The following ENPEP variants were observed in gnomAD, a reference collection of about 807,000 sequenced individuals.
The protein encoded by ENPEP is glutamyl aminopeptidase, also known as AP-A.
A neutral mutation model predicts 114.5 loss-of-function variants in ENPEP; 103 were observed. The observed-to-expected ratio is 0.90, with a 90% CI of 0.77 to 1.06. The LOEUF is 1.06. Ranked by LOEUF, ENPEP falls within the 50% of genes least tolerant of loss-of-function variation. The probability of loss-of-function intolerance (pLI) is 0.00; values close to 1 mark genes in which losing one functional copy is unlikely to be tolerated. For missense variants in ENPEP, 1,196 were observed against 1,161.3 expected, an observed-to-expected ratio of 1.03 and a Z score of -0.43; for synonymous variants, 420 against 422.0, an observed-to-expected ratio of 1.00 and a Z score of 0.06.
At chr4:110,487,532 G>A (rs1389129331) in intron 1 of ENPEP, among the ~76,000 whole-genome samples, 6 of 151,870 alleles carry the variant, frequency 4.0e-5, no homozygotes, top group African/African-American at 9.7e-5. Flanking sequence ...GTGTGCGCAC[G>A]TGTGTGTGTG....
intron 7 of ENPEP, among the ~76,000 whole-genome samples, chr4:110,514,426 C>G (rs998327832): frequency 1.6e-4 from 24 of 152,062 alleles, no homozygotes; most frequent in African/African-American, 5.8e-4. Context: ...GTATGTTCAG[C>G]CTTCTTGTAT....
Position 110,486,923 on chromosome 4 carries a change from C to T in ENPEP, c.645-1618C>T, listed in dbSNP as rs573689441. On this transcript the variant is annotated intron_variant, in intron 1 of 19. Coordinates refer to ENST00000265162, the MANE Select transcript of ENPEP (RefSeq NM_001977.4). ...GATCAGAGTTTTTAAGATAATTTGG[C>T]GGGTAGGGGCTTGGGAAGTGGGGAG... 3.3e-5 allele frequency among the ~76,000 whole-genome samples: 5 copies of T among 152,040 alleles called. No homozygotes were observed. The East Asian group carries it at 7.7e-4, about 24-fold the overall frequency.
intron 10 of ENPEP, among the ~76,000 whole-genome samples, chr4:110,528,160 A>AT (rs1225026726): frequency 2.6e-5 from 4 of 152,112 alleles, no homozygotes; most frequent in South Asian, 2.1e-4. Context: ...AGTTGCATGA[A>AT]TTTTTTTGTG....
At chr4:110,485,861 T>C (rs777347523) in intron 1 of ENPEP, among the ~76,000 whole-genome samples, 2 of 152,154 alleles carry the variant, frequency 1.3e-5, no homozygotes, top group Non-Finnish European at 2.9e-5. Flanking sequence ...ACAGAAGTGA[T>C]GTGTCTCTCT....
chr4:110,529,131 A>G (rs1726308432), intron 10 of ENPEP, among the ~76,000 whole-genome samples: 1 of 152,174 alleles, frequency 6.6e-6, no homozygotes, highest in Non-Finnish European at 1.5e-5. Context: ...GTAGTCCCAG[A>G]GGCCATGTTT....
chr4:110,537,884 C>T (rs567750903), intron 11 of ENPEP, among the ~76,000 whole-genome samples: 20 of 152,288 alleles, frequency 1.3e-4, no homozygotes, highest in African/African-American at 3.6e-4. Context: ...CATGGATGAC[C>T]AGGCACACTG....
At position 110,562,817 on chromosome 4, in the gene ENPEP, A is replaced by T. The variant is rs571509615; in HGVS notation, c.*1259A>T. The stretch of plus-strand genomic sequence containing the variant: ...CAATCTGCTATATCTAGAAAATCTA[A>T]ATTTATTTGGAACTTTCAAAAATGT... On this transcript the variant is annotated 3_prime_UTR_variant, in exon 20 of 20. Transcript: ENST00000265162. 1 of 152,254 alleles carries T rather than the reference A, an allele frequency of 6.6e-6. No individual in the cohort carries two copies. The highest frequency in any genetic ancestry group is 2.1e-4 in the South Asian group (1 of 4,816). The allele number at this position is 152,254 out of a possible 1,614,324, so 9.4% of individuals were successfully genotyped here. A position where few individuals can be genotyped will look rare whatever the true frequency, so the allele number is the denominator to read the frequency against.
chr4:110,538,973 C>G (rs1291664831), intron 11 of ENPEP, among the ~76,000 whole-genome samples: 1 of 152,146 alleles, frequency 6.6e-6, no homozygotes, highest in Non-Finnish European at 1.5e-5. Context: ...ATTAAGTTCT[C>G]ACCTATATGG....
intron 6 of ENPEP, chr4:110,512,477 C>T (rs1328457193): frequency 6.6e-6 from 1 of 152,206 alleles, no homozygotes; most frequent in Non-Finnish European, 1.5e-5. Context: ...TGGCAGTCAT[C>T]ACTTGACAGC....
chr4:110,552,164 C>T (rs1253344087), intron 17 of ENPEP, among the ~76,000 whole-genome samples: 1 of 152,172 alleles, frequency 6.6e-6, no homozygotes, highest in Non-Finnish European at 1.5e-5. Flanking sequence ...AGGATCATTA[C>T]CTTAAACTCA....
At chr4:110,479,384 C>G (rs942207053) in intron 1 of ENPEP, among the ~76,000 whole-genome samples, 4 of 152,080 alleles carry the variant, frequency 2.6e-5, no homozygotes, top group Admixed American at 2.6e-4. Flanking sequence ...TATTGACTAT[C>G]CTTGTAAATA....
chr4:110,482,373 G>A (rs1282557492), intron 1 of ENPEP, among the ~76,000 whole-genome samples: 2 of 152,164 alleles, frequency 1.3e-5, no homozygotes, highest in Non-Finnish European at 2.9e-5. Flanking sequence ...GAAATAGGTG[G>A]GAAGTAGCCA....
chr4:110,558,640 A>G (rs1196992376), intron 18 of ENPEP, among the ~76,000 whole-genome samples: 3 of 151,912 alleles, frequency 2.0e-5, no homozygotes, highest in Admixed American at 2.0e-4. Flanking sequence ...CTGTGTACAT[A>G]TTTTCTTGTA....
intron 6 of ENPEP, chr4:110,512,710 G>A (rs1208451923): frequency 6.6e-6 from 1 of 152,162 alleles, no homozygotes; most frequent in Non-Finnish European, 1.5e-5. Context: ...ACTATGCCAA[G>A]TACTAACCAT....
intron 13 of ENPEP, among the ~76,000 whole-genome samples, chr4:110,544,237 A>G (rs1421850887): frequency 2.0e-5 from 3 of 152,064 alleles, no homozygotes; most frequent in Non-Finnish European, 4.4e-5. Flanking sequence ...CAAGGTAGAG[A>G]TGACCTTATA....
intron 11 of ENPEP, among the ~76,000 whole-genome samples, chr4:110,534,269 G>T (rs145342481): frequency 6.6e-6 from 1 of 152,020 alleles, no homozygotes; most frequent in African/African-American, 2.4e-5. Context: ...TATTTTAGGC[G>T]TTAAAACAAC....
intron 14 of ENPEP, 29 bp from the exon 15 acceptor site, chr4:110,549,317 A>T: frequency 6.4e-7 from 1 of 1,567,426 alleles, no homozygotes; most frequent in South Asian, 1.1e-5. Context: ...GTAAATTGTT[A>T]CTTATTGTAC....
intron 3 of ENPEP, 71 bp downstream of exon 3, chr4:110,491,235 G>GTTTTTTTT: frequency 9.6e-7 from 1 of 1,039,884 alleles, no homozygotes; most frequent in Non-Finnish European, 1.3e-6. Flanking sequence ...TTTTTGGGTA[G>GTTTTTTTT]TTTTTTTTTT....
In ENPEP at chr4:110,549,349, T is replaced by C. The variant is rs765045873; in HGVS notation, c.2155T>C (p.Tyr719His). Residue 719 changes from tyrosine (Y) to histidine (H), a missense_variant, in exon 15 of 20, where the codon TAC becomes CAC. Physicochemically the swap from Tyr to His is moderately conservative, Grantham distance 83. Transcript: ENST00000265162. ...GTACATAATACTTTTATTTCAGGAATACTTCCAAGGTCAAGTGAAGCCTAT... is the reference window on the plus strand; with the variant it reads ...GTACATAATACTTTTATTTCAGGAACACTTCCAAGGTCAAGTGAAGCCTAT... ...DKELYPMIEE[Y>H]FQGQVKPIAD... is the part of the protein sequence containing the mutation. The C allele has an allele frequency of 1.3e-5, 21 of 1,612,178 alleles. No individual in the cohort carries two copies. Among genetic ancestry groups the C allele is most frequent in the Non-Finnish European group, 1.6e-5 (19 of 1,178,676 alleles).
Sources: allele counts gnomAD v4.1 joint callset (sites outside exome capture counted in the v4.1 genomes callset), GRCh38; gene constraint gnomAD v4.1.1; transcripts MANE v1.5; gene names NCBI Gene and HGNC (gene_info 2026-07-23, HGNC 2026-07-21).